Variants in ANKFN1 observed in about 807,000 individuals in gnomAD.
ANKFN1 encodes the protein ankyrin repeat and fibronectin type III domain containing 1, also known as ankyrin repeat and fibronectin type-III domain-containing protein 1.
Under a neutral mutation model 108.7 loss-of-function variants are expected in ANKFN1, and 74 were observed. The observed-to-expected ratio is 0.68, with a 90% CI of 0.56 to 0.83. The LOEUF (loss-of-function observed/expected upper bound fraction) is 0.83. Among genes scored for constraint, ANKFN1 ranks in the 40% least tolerant of loss-of-function variants. The pLI, the probability that ANKFN1 is intolerant of heterozygous loss-of-function variation, is 0.00. For missense variants in ANKFN1, 1,505 were observed against 1,382.3 expected (o/e 1.09, Z -1.41); for synonymous variants, 547 against 516.2 (o/e 1.06, Z -0.81).
Position 56,511,153 on chromosome 17 carries a change from A to ACCC in ANKFN1, c.3325_3326insCCC (p.Ser1109delinsThrArg). ...GGCCCAGGACGAAAAACCATGGGCAAGCTTGAGCCCGCCCTCTGGAGGCCG... is the reference window on the plus strand; with the variant it reads ...GGCCCAGGACGAAAAACCATGGGCAACCCGCTTGAGCCCGCCCTCTGGAGGCCG... On this transcript the variant is annotated protein_altering_variant, in exon 21 of 21. Transcript: ENST00000682825. 6.5e-7 allele frequency: 1 copy of ACCC among 1,536,046 alleles called. No individual in the cohort carries two copies. The highest frequency in any genetic ancestry group is 8.7e-7 in the Non-Finnish European group (1 of 1,146,860).
chr17:56,148,178 A>C (rs1908378692), intron 4 of ANKFN1, among the ~76,000 whole-genome samples: 2 of 152,370 alleles, frequency 1.3e-5, no homozygotes, highest in South Asian at 4.1e-4. Flanking sequence ...AGTAGCAGTT[A>C]GCATTAGAGG....
At chr17:56,210,654 A>G (rs941505843) in intron 1 of ANKFN1, among the ~76,000 whole-genome samples, 2 of 152,222 alleles carry the variant, frequency 1.3e-5, no homozygotes, top group Middle Eastern at 3.2e-3. Flanking sequence ...CTATGAAGAA[A>G]TATCTGAGAT....
At position 56,453,159 on chromosome 17, in the gene ANKFN1, C is replaced by T. The variant is rs546109432; in HGVS notation, c.1208-3702C>T. On this transcript the variant is annotated intron_variant, in intron 11 of 20. Coordinates refer to ENST00000682825, the MANE Select transcript of ANKFN1 (RefSeq NM_001370326.1). Reference sequence around the variant, plus strand: ...TGCTCATATTTCTAATAATGTTTTTCGATTTTAGTCATTACCTCACTAAAG... The same window carrying T: ...TGCTCATATTTCTAATAATGTTTTTTGATTTTAGTCATTACCTCACTAAAG... Among the ~76,000 whole-genome samples the T allele has an allele frequency of 3.9e-5, 6 of 151,970 alleles. No individual in the cohort carries two copies. In the South Asian group the frequency reaches 6.2e-4, roughly 16 times the overall value.
At position 56,421,049 on chromosome 17, in the gene ANKFN1, C is replaced by T. The variant is rs371405974; in HGVS notation, c.911-19278C>T. Among the ~76,000 whole-genome samples, 10 of 152,044 alleles carry T rather than the reference C, an allele frequency of 6.6e-5. No homozygotes were observed. In the East Asian group the frequency reaches 1.4e-3, roughly 21 times the overall value. ...ATGAAAATATTTGTGTGCTGGGGGGCGGGAATAAATAATTAAAATACAAAA... is the reference window on the plus strand; with the variant it reads ...ATGAAAATATTTGTGTGCTGGGGGGTGGGAATAAATAATTAAAATACAAAA... On this transcript the variant is annotated intron_variant, in intron 8 of 20. Coordinates refer to ENST00000682825, the MANE Select transcript of ANKFN1 (RefSeq NM_001370326.1).
intron 2 of ANKFN1, among the ~76,000 whole-genome samples, chr17:56,213,597 C>G (rs1432508628): frequency 1.3e-5 from 2 of 152,152 alleles, no homozygotes; most frequent in African/African-American, 4.8e-5. Context: ...ACACCTTTCC[C>G]CTGATTTAAG....
At chr17:56,402,533 T>C (rs2047793256) in intron 8 of ANKFN1, among the ~76,000 whole-genome samples, 1 of 152,188 alleles carries the variant, frequency 6.6e-6, no homozygotes, top group Admixed American at 6.5e-5. Flanking sequence ...TCAGTTGTAA[T>C]ATCTCCTGTT....
intron 8 of ANKFN1, among the ~76,000 whole-genome samples, chr17:56,404,833 C>A (rs2110203): frequency 0.62 from 94,647 of 152,004 alleles, 31,051 homozygotes; most frequent in East Asian, 0.96. Flanking sequence ...TGTTCAGATT[C>A]TTTTGTTTCA....
intron 3 of ANKFN1, among the ~76,000 whole-genome samples, chr17:56,308,343 A>G (rs887885485): frequency 1.3e-5 from 2 of 152,106 alleles, no homozygotes; most frequent in Non-Finnish European, 2.9e-5. Context: ...TTTAACTTGC[A>G]TCCATGTAGT....
rs572033624 is a variant in ANKFN1, at chr17:56,085,994, T to C, written c.288+39669T>C. Among the ~76,000 whole-genome samples, 39 of 151,370 alleles carry C rather than the reference T, an allele frequency of 2.6e-4. 1 individual carries two copies. Among genetic ancestry groups the C allele is most frequent in the African/African-American group, 8.7e-4 (36 of 41,358 alleles). ...AGAACCTACAAGGTGGTGGAAAACA[T>C]ATATAATTTAATAAATGTAATATAG... On this transcript the variant is annotated intron_variant, in intron 4 of 12. Coordinates refer to the ANKFN1 transcript ENST00000635860.
intron 3 of ANKFN1, among the ~76,000 whole-genome samples, chr17:56,298,302 G>T (rs1478424454): frequency 6.6e-6 from 1 of 152,044 alleles, no homozygotes; most frequent in Non-Finnish European, 1.5e-5. Context: ...TTTATCTTTT[G>T]TGAGATTTTT....
At chr17:56,098,996 A>G (rs901433465) in intron 4 of ANKFN1, among the ~76,000 whole-genome samples, 8 of 152,146 alleles carry the variant, frequency 5.3e-5, no homozygotes, top group Non-Finnish European at 1.0e-4. Flanking sequence ...CAGCCCGTCC[A>G]CACCTGCCAA....
intron 4 of ANKFN1, among the ~76,000 whole-genome samples, chr17:56,078,268 C>T (rs1905203924): frequency 6.6e-6 from 1 of 152,176 alleles, no homozygotes. Context: ...CCTTTCTGGG[C>T]TTCCTTCTTC....
In ANKFN1 at chr17:56,247,911, C is replaced by T. The variant is rs117155606; in HGVS notation, c.53+19954C>T. On this transcript the variant is annotated intron_variant, in intron 3 of 20. Transcript: ENST00000682825. Reference sequence around the variant, plus strand: ...TTGCCTATATCAAATGTATAAAAAGCAATATTGTTTTAACTACTGTTAATT... The same window carrying T: ...TTGCCTATATCAAATGTATAAAAAGTAATATTGTTTTAACTACTGTTAATT... 9.4e-3 allele frequency among the ~76,000 whole-genome samples: 1,438 copies of T among 152,224 alleles called. 8 individuals are homozygous for T. The highest frequency in any genetic ancestry group is 0.048 in the Middle Eastern group (14 of 294).
chr17:56,177,431 A>G (rs1235260252), intron 1 of ANKFN1, among the ~76,000 whole-genome samples: 1 of 152,244 alleles, frequency 6.6e-6, no homozygotes, highest in Non-Finnish European at 1.5e-5. Flanking sequence ...GGGCTTAAAT[A>G]GGCCTCTCAG....
chr17:56,133,445 A>T (rs892889512), intron 4 of ANKFN1, among the ~76,000 whole-genome samples: 8 of 151,948 alleles, frequency 5.3e-5, no homozygotes, highest in African/African-American at 1.9e-4. Context: ...CTTTGTTCTG[A>T]TGTGCTGAAA....
At chr17:56,357,430 G>T (rs1229226620) in intron 6 of ANKFN1, among the ~76,000 whole-genome samples, 1 of 152,202 alleles carries the variant, frequency 6.6e-6, no homozygotes, top group Non-Finnish European at 1.5e-5. Context: ...TCTGTAGGAT[G>T]CCAACACCTG....
chr17:56,467,074 C>T (rs1038447585), intron 15 of ANKFN1, among the ~76,000 whole-genome samples: 4 of 152,050 alleles, frequency 2.6e-5, no homozygotes, highest in East Asian at 1.9e-4. Context: ...CAAGATTGTG[C>T]GACTGCCCTC....
At chr17:56,115,255 C>T (rs1264447012) in intron 4 of ANKFN1, among the ~76,000 whole-genome samples, 12 of 152,218 alleles carry the variant, frequency 7.9e-5, no homozygotes, top group South Asian at 2.1e-4. Flanking sequence ...GGGATGTCTG[C>T]GGTGACATTG....
intron 4 of ANKFN1, among the ~76,000 whole-genome samples, chr17:56,333,258 C>G (rs1393443759): frequency 6.6e-6 from 1 of 151,964 alleles, no homozygotes; most frequent in Non-Finnish European, 1.5e-5. Flanking sequence ...GATAGAAGAG[C>G]TTAGTCTTTA....
Sources: gnomAD v4.1 joint callset for allele counts (sites outside exome capture counted in the v4.1 genomes callset) on GRCh38, gnomAD v4.1.1 for gene constraint, MANE v1.5 for transcripts, NCBI Gene and HGNC (gene_info 2026-07-23, HGNC 2026-07-21) for gene names.